MAP2K1: variants seen among roughly 807,000 people sequenced by gnomAD.
MAP2K1 encodes the protein dual specificity mitogen-activated protein kinase kinase 1.
Under a neutral mutation model 46.3 loss-of-function variants are expected in MAP2K1, and 16 were observed. The observed-to-expected ratio is 0.35, with a 90% CI of 0.23 to 0.52. The LOEUF (loss-of-function observed/expected upper bound fraction) is 0.52, where lower values mean the gene tolerates loss of function less well. Among genes scored for constraint, MAP2K1 ranks in the 20% least tolerant of loss-of-function variants. MAP2K1 has a pLI of 0.94. For synonymous variants in MAP2K1, 183 were observed against 185.6 expected (o/e 0.99, Z 0.11); for missense variants, 263 against 497.1 (o/e 0.53, Z 4.48).
intron 5 of MAP2K1, among the ~76,000 whole-genome samples, chr15:66,457,912 G>A (rs1159406409): frequency 6.6e-6 from 1 of 151,072 alleles, no homozygotes; most frequent in East Asian, 1.9e-4. Context: ...TCAGTGAGCC[G>A]AGATCGTGTC....
intron 5 of MAP2K1, among the ~76,000 whole-genome samples, chr15:66,475,641 C>T (rs1008848295): frequency 1.3e-5 from 2 of 152,298 alleles, no homozygotes; most frequent in East Asian, 1.9e-4. Context: ...CATAGAAGGC[C>T]GAGATTCACC....
At chr15:66,397,481 A>T (rs947454849) in intron 1 of MAP2K1, among the ~76,000 whole-genome samples, 2 of 152,210 alleles carry the variant, frequency 1.3e-5, no homozygotes, top group African/African-American at 4.8e-5. Flanking sequence ...TGGGAAAAGA[A>T]AAAAGCACTT....
chr15:66,452,902 C>A (rs763313373), intron 5 of MAP2K1, among the ~76,000 whole-genome samples: 3 of 152,174 alleles, frequency 2.0e-5, no homozygotes, highest in African/African-American at 7.2e-5. Flanking sequence ...CTGTAAGTTT[C>A]TTCAAATCTG....
At chr15:66,429,674 CCCCCGT>C (rs2093469728) in intron 1 of MAP2K1, among the ~76,000 whole-genome samples, 4 of 40,126 alleles carry the variant, frequency 1.0e-4, no homozygotes, top group East Asian at 7.9e-4. Flanking sequence ...GCCCCCCCCC[CCCCCGT>C]CCCCCCCAAC....
chr15:66,474,830 G>A (rs560145828), intron 5 of MAP2K1, among the ~76,000 whole-genome samples: 104 of 152,154 alleles, frequency 6.8e-4, no homozygotes, highest in Admixed American at 1.1e-3. Flanking sequence ...TTTGAACTGG[G>A]GAGGCGGAGG....
intron 1 of MAP2K1, among the ~76,000 whole-genome samples, chr15:66,407,812 A>G (rs893101415): frequency 6.6e-6 from 1 of 152,250 alleles, no homozygotes; most frequent in Admixed American, 6.5e-5. Context: ...ACTACACCCC[A>G]GCCTGGCCAA....
intron 5 of MAP2K1, among the ~76,000 whole-genome samples, chr15:66,478,506 A>AT (rs757731747): frequency 0.013 from 1,895 of 141,452 alleles, 22 homozygotes; most frequent in Middle Eastern, 0.025. Flanking sequence ...ATATATATAT[A>AT]TTTTTTTTTT....
At chr15:66,435,371 C>A in intron 2 of MAP2K1, 134 bp downstream of exon 2, 1 of 558,138 alleles carries the variant, frequency 1.8e-6, no homozygotes, top group African/African-American at 2.1e-5. Flanking sequence ...TTTTTTAAGA[C>A]GGAGTTTCAT....
intron 3 of MAP2K1, among the ~76,000 whole-genome samples, chr15:66,437,695 G>T (rs949833389): frequency 1.1e-4 from 16 of 152,172 alleles, no homozygotes; most frequent in African/African-American, 3.1e-4. Flanking sequence ...ACCCTCCTGG[G>T]AGGATTCTCT....
At chr15:66,471,946 A>G (rs1042051694) in intron 5 of MAP2K1, among the ~76,000 whole-genome samples, 1 of 151,750 alleles carries the variant, frequency 6.6e-6, no homozygotes, top group Non-Finnish European at 1.5e-5. Context: ...GCGTGGTGGC[A>G]GGTGCCTGTA....
At chr15:66,428,237 G>T (rs1262947253) in intron 1 of MAP2K1, among the ~76,000 whole-genome samples, 1 of 150,508 alleles carries the variant, frequency 6.6e-6, no homozygotes, top group Non-Finnish European at 1.5e-5. Flanking sequence ...CTATATTAGG[G>T]TTCACCAGAG....
intron 5 of MAP2K1, among the ~76,000 whole-genome samples, chr15:66,447,381 G>T (rs1382731998): frequency 6.6e-6 from 1 of 152,038 alleles, no homozygotes; most frequent in Non-Finnish European, 1.5e-5. Context: ...AGGGCACAGG[G>T]ACCTGAAAAT....
At chr15:66,412,185 C>T (rs986704768) in intron 1 of MAP2K1, among the ~76,000 whole-genome samples, 2 of 152,174 alleles carry the variant, frequency 1.3e-5, no homozygotes, top group African/African-American at 4.8e-5. Context: ...CCTTTGTAAA[C>T]TTACTGCATA....
intron 1 of MAP2K1, among the ~76,000 whole-genome samples, chr15:66,424,910 G>C (rs1567005452): frequency 6.9e-6 from 1 of 144,170 alleles, no homozygotes; most frequent in African/African-American, 2.5e-5. Flanking sequence ...CGATTCTCCC[G>C]CCTCAGCCTC....
chr15:66,455,199 C>T (rs933498691), intron 5 of MAP2K1, among the ~76,000 whole-genome samples: 1 of 152,194 alleles, frequency 6.6e-6, no homozygotes, highest in African/African-American at 2.4e-5. Flanking sequence ...CTCTCCTGCT[C>T]AGTGTTGGGG....
intron 5 of MAP2K1, among the ~76,000 whole-genome samples, chr15:66,461,821 C>T (rs1312839482): frequency 3.9e-5 from 6 of 152,078 alleles, no homozygotes; most frequent in Non-Finnish European, 8.8e-5. Flanking sequence ...TGGAAGTTTC[C>T]TTCTAGCCTG....
At chr15:66,423,155 C>T (rs1194699349) in intron 1 of MAP2K1, among the ~76,000 whole-genome samples, 1 of 152,136 alleles carries the variant, frequency 6.6e-6, no homozygotes, top group Non-Finnish European at 1.5e-5. Flanking sequence ...GTTCCCTCAG[C>T]TCCATGTAAT....
intron 4 of MAP2K1, among the ~76,000 whole-genome samples, chr15:66,444,336 C>G (rs1242361373): frequency 6.6e-6 from 1 of 151,252 alleles, no homozygotes; most frequent in Non-Finnish European, 1.5e-5. Flanking sequence ...GAGTTCGAGA[C>G]TAGCCCGACA....
At chr15:66,428,325 T>A (rs997611646) in intron 1 of MAP2K1, among the ~76,000 whole-genome samples, 6 of 81,596 alleles carry the variant, frequency 7.4e-5, no homozygotes, top group Non-Finnish European at 1.6e-4. Flanking sequence ...TGTGTGTGTG[T>A]ATGAGAGGGT....
Sources: allele counts gnomAD v4.1 joint callset (sites outside exome capture counted in the v4.1 genomes callset), GRCh38; gene constraint gnomAD v4.1.1; transcripts MANE v1.5; gene names NCBI Gene and HGNC (gene_info 2026-07-23, HGNC 2026-07-21).